CPNE6: variants seen among roughly 807,000 people sequenced by gnomAD.
CPNE6 encodes the protein copine 6.
In CPNE6, 33 loss-of-function variants were observed where a neutral mutation model predicts 71.5. That is an observed-to-expected ratio of 0.46 (90% confidence interval 0.35 to 0.62). CPNE6 has a LOEUF of 0.62. CPNE6 is among the 20% of genes least tolerant of loss of function. The probability of loss-of-function intolerance (pLI) is 0.00; values close to 1 mark genes in which losing one functional copy is unlikely to be tolerated. For missense variants in CPNE6, 576 were observed against 747.3 expected, an observed-to-expected ratio of 0.77 and a Z score of 2.67; for synonymous variants, 296 against 293.0, an observed-to-expected ratio of 1.01 and a Z score of -0.10.
chr14:24,077,294 G>C lies in CPNE6; in HGVS notation c.1440G>C (p.Arg480=), dbSNP rs780832928. 3 of 1,613,754 alleles carry C rather than the reference G, an allele frequency of 1.9e-6. No homozygotes were observed. The highest frequency in any genetic ancestry group is 1.7e-6 in the Non-Finnish European group (2 of 1,180,036). The stretch of plus-strand genomic sequence containing the variant: ...GCAATGCTGACTTCTCTGACATGCG[G>C]CTGCTGGATGGCGACGACGGCCCCT... The change falls in exon 16 of 18, where the codon CGG becomes CGC. Residue 480 remains arginine, a synonymous_variant. Transcript: ENST00000397016. The surrounding 1 kb of genome is among the most constrained non-coding windows in gnomAD (Gnocchi z 6.1).
chr14:24,074,219 C>G lies in CPNE6; in HGVS notation c.424-72C>G. The stretch of plus-strand genomic sequence containing the variant: ...ACATCATGCCCAGGACCACCCCCAC[C>G]TAAGGGAAAGGGGATGGGGTGGCCC... On this transcript the variant is annotated intron_variant, in intron 5 of 17. Coordinates refer to ENST00000397016, the Ensembl canonical transcript of CPNE6. The surrounding 1 kb of genome is among the most constrained non-coding windows in gnomAD (Gnocchi z 4.5). 6.9e-6 allele frequency: 11 copies of G among 1,597,892 alleles called. No homozygotes were observed. The highest frequency in any genetic ancestry group is 9.4e-6 in the Non-Finnish European group (11 of 1,165,238).
chr14:24,071,571 G>A (rs1313721841), exon 2 of CPNE6: 5 of 1,306,568 alleles, frequency 3.8e-6, no homozygotes, highest in Admixed American at 2.3e-5. Flanking sequence ...CGGCGCCAGC[G>A]GCTGGAGCAG....
At chr14:24,071,564 C>G in exon 2 of CPNE6, 1 of 1,468,882 alleles carries the variant, frequency 6.8e-7, no homozygotes, top group Non-Finnish European at 9.1e-7. Context: ...CTGGAGCCGG[C>G]GCCAGCGGCT....
At chr14:24,071,137 G>C (rs1397362416) in intron 1 of CPNE6, 1 of 1,252,214 alleles carries the variant, frequency 8.0e-7, no homozygotes, top group Non-Finnish European at 1.1e-6. Context: ...GTGAGAAGGG[G>C]TATGTTTCCC....
Position 24,073,202 on chromosome 14 carries a change from G to A in CPNE6, c.168+98G>A. The A allele has an allele frequency of 7.7e-7, 1 of 1,296,410 alleles. No individual in the cohort carries two copies. The highest frequency in any genetic ancestry group is 1.0e-6 in the Non-Finnish European group (1 of 991,552). 80.3% of individuals were successfully genotyped at this position (1,296,410 alleles called of 1,614,324 possible). ...GTGAAAGCCTTGCAGGGAAATGTGT[G>A]GACTCTGCGGCGCCTTCTCGAGGCC... On this transcript the variant is annotated intron_variant, in intron 3 of 17. Transcript: ENST00000397016. The surrounding 1 kb of genome is among the most constrained non-coding windows in gnomAD (Gnocchi z 5.5).
At chr14:24,076,701 G>C in intron 14 of CPNE6, 144 bp downstream of exon 13, 1 of 1,445,594 alleles carries the variant, frequency 6.9e-7, no homozygotes, top group Non-Finnish European at 9.6e-7. Flanking sequence ...CCAGGGCCGA[G>C]GCCCAGCATC....
chr14:24,072,835 G>A lies in CPNE6; in HGVS notation c.-4-98G>A, dbSNP rs1057136443. The A allele has an allele frequency of 7.1e-6, 8 of 1,134,094 alleles. No homozygotes were observed. The African/African-American group carries it at 8.1e-5, about 12-fold the overall frequency. The allele number at this position is 1,134,094 out of a possible 1,614,324, so 70.3% of individuals were successfully genotyped here. ...CGTGAGGCCCCAGGGTCTAGGGAAG[G>A]AGGTTAAGGGGTGGGGCCCAGGGAC... On this transcript the variant is annotated intron_variant, in intron 2 of 17. Transcript: ENST00000397016.
In CPNE6 at chr14:24,073,934, C is replaced by T; in HGVS notation, c.349-117C>T. ...TTGTAAAAATTGAGCCCAACCCTAG[C>T]CCAACTCAAAGTGCCAACCCTTGCA... On this transcript the variant is annotated intron_variant, in intron 4 of 17. Coordinates refer to ENST00000397016, the Ensembl canonical transcript of CPNE6. This position sits in a 1 kb window ranked among gnomAD's most constrained non-coding sequence, Gnocchi z 5.5. 1 of 1,030,104 alleles carries T rather than the reference C, an allele frequency of 9.7e-7. No homozygotes were observed. Among genetic ancestry groups the T allele is most frequent in the Non-Finnish European group, 1.5e-6 (1 of 665,626 alleles). 63.8% of individuals were successfully genotyped at this position (1,030,104 alleles called of 1,614,324 possible).
In CPNE6 at chr14:24,071,408, C is replaced by A. The variant is rs533466772; in HGVS notation, c.-119-119C>A. 7.4e-4 allele frequency: 1,081 copies of A among 1,456,062 alleles called. 6 individuals carry two copies. The African/African-American group carries it at 0.013, about 18-fold the overall frequency. The allele number at this position is 1,456,062 out of a possible 1,614,324, so 90.2% of individuals were successfully genotyped here. On this transcript the variant is annotated intron_variant, in intron 1 of 17. Coordinates refer to ENST00000397016, the Ensembl canonical transcript of CPNE6. The stretch of plus-strand genomic sequence containing the variant: ...TCTAAGCCACCCCCAGCCTGCCCTC[C>A]TCCCCCGGTTCTGTGGCTCCCTCCC...
rs1232172254 is a variant in CPNE6 at position 24,073,551 on chromosome 14, T to A, written c.221T>A (p.Val74Glu). The A allele has an allele frequency of 6.2e-7, 1 of 1,613,940 alleles. No individual in the cohort carries two copies. The highest frequency in any genetic ancestry group is 1.7e-5 in the Admixed American group (1 of 60,016). Residue 74 changes from valine to glutamate, a missense_variant, in exon 4 of 18, where the codon GTG (valine) becomes GAG (glutamate). Around this residue, in one of 4 missense-constraint regions of CPNE6, gnomAD observed 214 missense variants for 291.2 expected, o/e 0.73. Transcript: ENST00000397016. The surrounding 1 kb of genome is among the most constrained non-coding windows in gnomAD (Gnocchi z 5.5). ...TGTTCCAGCCCTGTCTTCTCCCGGGTGCTGGCCCTTGAGTATTTTTTTGAG... is the reference window on the plus strand; with the variant it reads ...TGTTCCAGCCCTGTCTTCTCCCGGGAGCTGGCCCTTGAGTATTTTTTTGAG...
At chr14:24,076,207 G>A (rs748299055) in exon 12 of CPNE6, 6 of 1,614,156 alleles carry the variant, frequency 3.7e-6, no homozygotes, top group Non-Finnish European at 5.1e-6. Flanking sequence ...TCCCTGCACT[G>A]CCTCAGTCCC....
At position 24,071,634 on chromosome 14, in the gene CPNE6, G is replaced by A. The variant is rs12898121; in HGVS notation, c.-12G>A. 3 of 974,516 alleles carry A rather than the reference G, an allele frequency of 3.1e-6. No individual in the cohort carries two copies. In the South Asian group the frequency reaches 4.1e-5, roughly 13 times the overall value. 60.4% of individuals were successfully genotyped at this position (974,516 alleles called of 1,614,324 possible). A position where few individuals can be genotyped will look rare whatever the true frequency, so the allele number is the denominator to read the frequency against. On this transcript the variant is annotated 5_prime_UTR_variant, in exon 2 of 18. Coordinates refer to ENST00000397016, the Ensembl canonical transcript of CPNE6. The stretch of plus-strand genomic sequence containing the variant: ...GCCGGAGAGAGGAGCCCCCGACCGA[G>A]AGCCCAGGTGAGCCCACCCTTCCTC...
In CPNE6 at chr14:24,075,692, C is replaced by T; in HGVS notation, c.864+101C>T. The T allele has an allele frequency of 7.3e-7, 1 of 1,369,418 alleles. No homozygotes were observed. The highest frequency in any genetic ancestry group is 1.0e-6 in the Non-Finnish European group (1 of 977,728). The allele number at this position is 1,369,418 out of a possible 1,614,324, so 84.8% of individuals were successfully genotyped here. On this transcript the variant is annotated intron_variant, in intron 10 of 17. Transcript: ENST00000397016. The surrounding 1 kb of genome is among the most constrained non-coding windows in gnomAD (Gnocchi z 4.3). ...GTTTCAAAGACCAGTTTCTCTGCTTCTGGGAACTGGAAACCACCCCCAACT... is the reference window on the plus strand; with the variant it reads ...GTTTCAAAGACCAGTTTCTCTGCTTTTGGGAACTGGAAACCACCCCCAACT...
Position 24,074,592 on chromosome 14 carries a change from A to T in CPNE6, c.560A>T (p.Asp187Val), listed in dbSNP as rs748601343. Residue 187 changes from aspartate (D) to valine (V), a missense_variant, in exon 7 of 18, where the codon GAT becomes GTT. Asp to Val is a radical substitution (Grantham distance 152). Around this residue, in one of 4 missense-constraint regions of CPNE6, gnomAD observed 214 missense variants for 291.2 expected, o/e 0.73. Transcript: ENST00000397016. The surrounding 1 kb of genome is among the most constrained non-coding windows in gnomAD (Gnocchi z 4.5). ...TATAAGACCAACGAGGACCAAAGTGATCAGCTGGTCTGGAGAACTGAGGTT... is the reference window on the plus strand; with the variant it reads ...TATAAGACCAACGAGGACCAAAGTGTTCAGCTGGTCTGGAGAACTGAGGTT... 2 of 1,614,180 alleles carry T rather than the reference A, an allele frequency of 1.2e-6. No homozygotes were observed. Among genetic ancestry groups the T allele is most frequent in the Non-Finnish European group, 1.7e-6 (2 of 1,180,026 alleles).
At chr14:24,076,710 T>A in intron 14 of CPNE6, 153 bp downstream of exon 13, 2 of 1,436,516 alleles carry the variant, frequency 1.4e-6, no homozygotes, top group Non-Finnish European at 1.9e-6. Context: ...AGGCCCAGCA[T>A]CTGCACCCAA....
exon 1 of CPNE6, chr14:24,070,984 T>C: frequency 6.5e-7 from 1 of 1,535,648 alleles, no homozygotes; most frequent in African/African-American, 1.4e-5. Flanking sequence ...AGGTATGTGA[T>C]GGCTTTTAAG....
Position 24,074,308 on chromosome 14 carries a change from A to G in CPNE6, c.441A>G (p.Val147=), listed in dbSNP as rs1428944205. The change falls in exon 6 of 18, where the codon GTA becomes GTG. Residue 147 remains valine (V), a synonymous_variant. Coordinates refer to ENST00000397016, the Ensembl canonical transcript of CPNE6. The surrounding 1 kb of genome is among the most constrained non-coding windows in gnomAD (Gnocchi z 4.5). The stretch of plus-strand genomic sequence containing the variant: ...CCTTGCAGATCGTGGCCGAGGAGGT[A>G]TCAGGCACAAACGACTATGTGCAAC... The G allele has an allele frequency of 2.5e-6, 4 of 1,575,204 alleles. No homozygotes were observed. Among genetic ancestry groups the G allele is most frequent in the African/African-American group, 1.3e-5 (1 of 74,154 alleles).
intron 2 of CPNE6, chr14:24,071,963 A>G: frequency 3.1e-6 from 1 of 320,798 alleles, no homozygotes; most frequent in Non-Finnish European, 5.8e-6. Context: ...CGGACACACG[A>G]CATGGGGGGA....
rs747112244 is a variant in CPNE6 at position 24,075,264 on chromosome 14, C to A, written c.765C>A (p.Asn255Lys). The stretch of plus-strand genomic sequence containing the variant: ...AGGAGATGCAGGAAGGGACGGCAAA[C>A]CCTGGGCAGGAGGTGCCACAAATAC... The change falls in exon 9 of 18, where the codon AAC (asparagine) becomes AAA (lysine). Residue 255 changes from asparagine (N) to lysine (K), a missense_variant. Physicochemically the swap from Asn to Lys is moderately conservative, Grantham distance 94. Around this residue, in one of 4 missense-constraint regions of CPNE6, gnomAD observed 214 missense variants for 291.2 expected, o/e 0.73. Transcript: ENST00000397016. The surrounding 1 kb of genome is among the most constrained non-coding windows in gnomAD (Gnocchi z 4.3). 5 of 1,613,808 alleles carry A rather than the reference C, an allele frequency of 3.1e-6. No homozygotes were observed. In the African/African-American group the frequency reaches 4.0e-5, roughly 13 times the overall value.
Sources: allele counts gnomAD v4.1 joint callset, GRCh38; gene constraint gnomAD v4.1.1; regional missense constraint gnomAD v4.1.1; non-coding constraint Gnocchi (gnomAD v3.1); transcripts MANE v1.5; gene names NCBI Gene and HGNC (gene_info 2026-07-23, HGNC 2026-07-21).